The following TSPAN9 variants were observed in gnomAD, a reference collection of about 807,000 sequenced individuals.
The protein encoded by TSPAN9 is tetraspanin-9.
In TSPAN9, 16 loss-of-function variants were observed where a neutral mutation model predicts 31.0. The observed-to-expected ratio is 0.52, with a 90% CI of 0.35 to 0.78. TSPAN9 has a LOEUF of 0.78. Ranked by LOEUF, TSPAN9 falls within the 30% of genes least tolerant of loss-of-function variation. The pLI, the probability that TSPAN9 is intolerant of heterozygous loss-of-function variation, is 0.01. For synonymous variants in TSPAN9, 145 were observed against 121.6 expected (o/e 1.19, Z -1.27); for missense variants, 272 against 312.5 (o/e 0.87, Z 0.98).
chr12:3,268,945 T>C (rs1591716251), intron 3 of TSPAN9, among the ~76,000 whole-genome samples: 6 of 107,770 alleles, frequency 5.6e-5, no homozygotes, highest in East Asian at 4.8e-4. Context: ...GCCCTCTCTG[T>C]GTTCCTGCAG....
At chr12:3,231,468 G>A (rs1000215095) in intron 3 of TSPAN9, among the ~76,000 whole-genome samples, 3 of 152,184 alleles carry the variant, frequency 2.0e-5, no homozygotes, top group Admixed American at 6.5e-5. Context: ...CATCAGCCCC[G>A]CGTCACTACG....
chr12:3,145,026 C>A (rs1210715936), intron 2 of TSPAN9, among the ~76,000 whole-genome samples: 1 of 152,208 alleles, frequency 6.6e-6, no homozygotes, highest in Non-Finnish European at 1.5e-5. Context: ...GTGCAGAGAG[C>A]TCAAGGGCAC....
At chr12:3,176,947 CG>C (rs2098356013) in intron 2 of TSPAN9, among the ~76,000 whole-genome samples, 2 of 151,988 alleles carry the variant, frequency 1.3e-5, no homozygotes, top group South Asian at 4.2e-4. Flanking sequence ...CCCGCATTAG[CG>C]GGAAGAGTAC....
At chr12:3,262,371 T>TG (rs1862465198) in intron 3 of TSPAN9, among the ~76,000 whole-genome samples, 1 of 117,144 alleles carries the variant, frequency 8.5e-6, no homozygotes, top group South Asian at 3.9e-4. Context: ...TGGCTGCTGC[T>TG]CTTTTTTTTT....
chr12:3,255,301 C>T (rs1013945239), intron 3 of TSPAN9, among the ~76,000 whole-genome samples: 5 of 152,306 alleles, frequency 3.3e-5, no homozygotes, highest in East Asian at 3.9e-4. Flanking sequence ...GTGGACCCTT[C>T]GCAGAGGTGG....
In TSPAN9 at chr12:3,123,883, A is replaced by G. The variant is rs969112045; in HGVS notation, c.-18+40164A>G. ...GAGGATGTGCGGAAGAGTTTAAAAAATAGTTTGAGAACTGTTGATGAAGGA... is the reference window on the plus strand; with the variant it reads ...GAGGATGTGCGGAAGAGTTTAAAAAGTAGTTTGAGAACTGTTGATGAAGGA... On this transcript the variant is annotated intron_variant, in intron 2 of 8. Coordinates refer to ENST00000011898, the MANE Select transcript of TSPAN9 (RefSeq NM_006675.5). 3.3e-5 allele frequency among the ~76,000 whole-genome samples: 5 copies of G among 152,310 alleles called. No individual in the cohort carries two copies. In the South Asian group the frequency reaches 6.2e-4, roughly 19 times the overall value.
intron 2 of TSPAN9, among the ~76,000 whole-genome samples, chr12:3,118,233 T>TCCCACA (rs143642253): frequency 0.18 from 24,485 of 137,852 alleles, 2,527 homozygotes; most frequent in East Asian, 0.32. Flanking sequence ...TTTACCTGAT[T>TCCCACA]CCGCACCGCC....
At chr12:3,231,055 G>A (rs1255458325) in intron 3 of TSPAN9, among the ~76,000 whole-genome samples, 2 of 152,304 alleles carry the variant, frequency 1.3e-5, no homozygotes, top group African/African-American at 2.4e-5. Context: ...AATTGGGAAC[G>A]GTGCTTAGTC....
At chr12:3,136,343 GGC>G (rs2098332128) in intron 2 of TSPAN9, among the ~76,000 whole-genome samples, 1 of 152,188 alleles carries the variant, frequency 6.6e-6, no homozygotes, top group Admixed American at 6.5e-5. Context: ...ACTCATCGTG[GGC>G]ATTCTTAAGC....
chr12:3,221,003 CCTGGAGA>C (rs1412032197), intron 3 of TSPAN9, among the ~76,000 whole-genome samples: 3 of 152,128 alleles, frequency 2.0e-5, no homozygotes, highest in Non-Finnish European at 4.4e-5. Flanking sequence ...ACTGGAGAGC[CCTGGAGA>C]CTCAGCATCA....
chr12:3,100,026 A>G (rs1390279342), intron 2 of TSPAN9, among the ~76,000 whole-genome samples: 1 of 151,970 alleles, frequency 6.6e-6, no homozygotes, highest in Non-Finnish European at 1.5e-5. Flanking sequence ...TATTTTTAGT[A>G]GAGACGGGGT....
At chr12:3,114,788 A>AACCGAGGT in intron 2 of TSPAN9, among the ~76,000 whole-genome samples, 1 of 150,644 alleles carries the variant, frequency 6.6e-6, no homozygotes, top group East Asian at 2.0e-4. Context: ...GGTTGCAGTG[A>AACCGAGGT]ACCGAGGTTG....
chr12:3,202,389 G>A (rs543715113), intron 3 of TSPAN9, among the ~76,000 whole-genome samples: 3 of 152,346 alleles, frequency 2.0e-5, no homozygotes, highest in Admixed American at 2.0e-4. Flanking sequence ...GAGGCATTCA[G>A]CTTTTGTGTG....
intron 2 of TSPAN9, among the ~76,000 whole-genome samples, chr12:3,122,344 T>G (rs2098325511): frequency 6.6e-6 from 1 of 151,730 alleles, no homozygotes; most frequent in South Asian, 2.1e-4. Context: ...AGATAGAGTC[T>G]TGCTCTGTCA....
chr12:3,095,912 C>G (rs1304857002), intron 2 of TSPAN9, among the ~76,000 whole-genome samples: 1 of 149,560 alleles, frequency 6.7e-6, no homozygotes, highest in Non-Finnish European at 1.5e-5. Flanking sequence ...GGCAGAGACA[C>G]TCCTCACTTC....
intron 2 of TSPAN9, among the ~76,000 whole-genome samples, chr12:3,123,205 G>A (rs1229275899): frequency 6.6e-6 from 1 of 152,192 alleles, no homozygotes; most frequent in East Asian, 1.9e-4. Flanking sequence ...CGGGAGTGGC[G>A]TCTGCATCCC....
At position 3,147,586 on chromosome 12, in the gene TSPAN9, C is replaced by T. The variant is rs567146478; in HGVS notation, c.-17-53591C>T. 7.9e-5 allele frequency among the ~76,000 whole-genome samples: 12 copies of T among 152,316 alleles called. No homozygotes were observed. The South Asian group carries it at 1.2e-3, about 16-fold the overall frequency. ...AGAACCAGCCAGCCCAGTGCTGCAA[C>T]GATGGAAGTGTTCTGTTCTGTACCG... On this transcript the variant is annotated intron_variant, in intron 2 of 8. Coordinates refer to ENST00000011898, the MANE Select transcript of TSPAN9 (RefSeq NM_006675.5). The surrounding 1 kb of genome is among the most constrained non-coding windows in gnomAD (Gnocchi z 4.3).
intron 3 of TSPAN9, among the ~76,000 whole-genome samples, chr12:3,246,582 C>G (rs1862132757): frequency 6.6e-6 from 1 of 152,226 alleles, no homozygotes; most frequent in African/African-American, 2.4e-5. Context: ...CCATTCCTCC[C>G]TCAGTGCCAG....
chr12:3,104,898 G>A (rs556716757), intron 2 of TSPAN9, among the ~76,000 whole-genome samples: 8 of 152,326 alleles, frequency 5.3e-5, no homozygotes, highest in African/African-American at 1.9e-4. Flanking sequence ...CAAAAGGGCC[G>A]GTCATTTAGG....
Sources: allele counts gnomAD v4.1 joint callset (sites outside exome capture counted in the v4.1 genomes callset), GRCh38; gene constraint gnomAD v4.1.1; non-coding constraint Gnocchi (gnomAD v3.1); transcripts MANE v1.5; gene names NCBI Gene and HGNC (gene_info 2026-07-23, HGNC 2026-07-21).